The following UQCRB variants were observed in gnomAD, a reference collection of about 807,000 sequenced individuals.
UQCRB encodes the protein ubiquinol-cytochrome c reductase binding protein, also known as cytochrome b-c1 complex subunit 7.
UQCRB carries 12 observed loss-of-function variants against 19.8 expected under a neutral mutation model. The observed-to-expected ratio is 0.61, with a 90% CI of 0.39 to 0.98. The LOEUF is 0.98. Among genes scored for constraint, UQCRB ranks in the 50% least tolerant of loss-of-function variants. The pLI is 0.00. For synonymous variants in UQCRB, 39 were observed against 42.9 expected (o/e 0.91, Z 0.35); for missense variants, 142 against 131.8 (o/e 1.08, Z -0.38).
In UQCRB at chr8:96,228,031, G is replaced by A. The variant is rs1349946008; in HGVS notation, c.*3024C>T. On this transcript the variant is annotated 3_prime_UTR_variant, in exon 4 of 4. Coordinates refer to ENST00000287022, the MANE Select transcript of UQCRB (RefSeq NM_006294.5). ...CTAGGACCACAGCTGGCAATTGGGGGTCTGAAGGCCCGACATCCCTTACGC... is the reference window on the plus strand; with the variant it reads ...CTAGGACCACAGCTGGCAATTGGGGATCTGAAGGCCCGACATCCCTTACGC... 1 of 454,082 alleles carries A rather than the reference G, an allele frequency of 2.2e-6. No individual in the cohort carries two copies. Among genetic ancestry groups the A allele is most frequent in the Admixed American group, 2.3e-5 (1 of 42,574 alleles). 28.1% of individuals were successfully genotyped at this position (454,082 alleles called of 1,614,324 possible).
rs1452858503 is a variant in UQCRB at position 96,227,038 on chromosome 8, G to A, written c.*4017C>T. 1 of 453,678 alleles carries A rather than the reference G, an allele frequency of 2.2e-6. No individual in the cohort carries two copies. Among genetic ancestry groups the A allele is most frequent in the African/African-American group, 2.0e-5 (1 of 49,974 alleles). The allele number at this position is 453,678 out of a possible 1,614,324, so 28.1% of individuals were successfully genotyped here. A position where few individuals can be genotyped will look rare whatever the true frequency, so the allele number is the denominator to read the frequency against. The stretch of plus-strand genomic sequence containing the variant: ...ATATGAACGCCAGTATAACCAGAAT[G>A]TAAACAAATTATGGCATATAAATTA... On this transcript the variant is annotated 3_prime_UTR_variant, in exon 4 of 4. Transcript: ENST00000287022.
At position 96,229,063 on chromosome 8, in the gene UQCRB, G is replaced by A. The variant is rs1402499591; in HGVS notation, c.*1992C>T. On this transcript the variant is annotated 3_prime_UTR_variant, in exon 4 of 4. Coordinates refer to ENST00000287022, the MANE Select transcript of UQCRB (RefSeq NM_006294.5). Reference sequence around the variant, plus strand: ...CTTTCTTAGTCTTCATAACAAGCAGGACGATAACCATAATTTATAATGAAC... The same window carrying A: ...CTTTCTTAGTCTTCATAACAAGCAGAACGATAACCATAATTTATAATGAAC... 1 of 453,896 alleles carries A rather than the reference G, an allele frequency of 2.2e-6. No individual in the cohort carries two copies. The highest frequency in any genetic ancestry group is 4.4e-6 in the Non-Finnish European group (1 of 226,782). 28.1% of individuals were successfully genotyped at this position (453,896 alleles called of 1,614,324 possible).
In UQCRB at chr8:96,233,404, GAA is replaced by G. The variant is rs767356091; in HGVS notation, c.20-179_20-178del. ...TTAATCAAAAGAATTAGATTTAAAA[GAA>G]AAAAGTTTATACTCTATAAAATGTT... is the stretch of plus-strand genomic sequence containing the variant. On this transcript the variant is annotated intron_variant, in intron 1 of 3. Coordinates refer to ENST00000287022, the MANE Select transcript of UQCRB (RefSeq NM_006294.5). 108 of 602,416 alleles carry G rather than the reference GAA, an allele frequency of 1.8e-4. 2 individuals carry two copies. The highest frequency in any genetic ancestry group is 9.6e-4 in the South Asian group (44 of 45,796). The allele number at this position is 602,416 out of a possible 1,614,324, so 37.3% of individuals were successfully genotyped here. A position where few individuals can be genotyped will look rare whatever the true frequency, so the allele number is the denominator to read the frequency against.
rs1368660169 is a variant in UQCRB, at chr8:96,224,965, A to G, written c.*6090T>C. Among the ~76,000 whole-genome samples the G allele has an allele frequency of 1.3e-5, 2 of 152,214 alleles. No individual in the cohort carries two copies. The highest frequency in any genetic ancestry group is 1.9e-4 in the East Asian group (1 of 5,194). ...TGAACAAAGTTGAAAAGGCATCCAA[A>G]AAACCTCAAATAAAATTCAAACGAT... is the stretch of plus-strand genomic sequence containing the variant. On this transcript the variant is annotated 3_prime_UTR_variant, in exon 4 of 4. Coordinates refer to ENST00000287022, the MANE Select transcript of UQCRB (RefSeq NM_006294.5).
rs1586148355 is a variant in UQCRB, at chr8:96,226,547, G to A, written c.*4508C>T. On this transcript the variant is annotated 3_prime_UTR_variant, in exon 4 of 4. Coordinates refer to ENST00000287022, the MANE Select transcript of UQCRB (RefSeq NM_006294.5). ...TAAATGCATGCATAAGAGAAAAATT[G>A]TAAGCTGACTCCTTTGTAAAACAAA... 3 of 225,684 alleles carry A rather than the reference G, an allele frequency of 1.3e-5. No homozygotes were observed. Among genetic ancestry groups the A allele is most frequent in the East Asian group, 1.3e-4 (1 of 7,424 alleles). 14.0% of individuals were successfully genotyped at this position (225,684 alleles called of 1,614,324 possible).
chr8:96,229,931 T>C lies in UQCRB; in HGVS notation c.*1124A>G, dbSNP rs1809621333. 2 of 454,020 alleles carry C rather than the reference T, an allele frequency of 4.4e-6. No individual in the cohort carries two copies. The highest frequency in any genetic ancestry group is 8.8e-6 in the Non-Finnish European group (2 of 226,804). 28.1% of individuals were successfully genotyped at this position (454,020 alleles called of 1,614,324 possible). A position where few individuals can be genotyped will look rare whatever the true frequency, so the allele number is the denominator to read the frequency against. The stretch of plus-strand genomic sequence containing the variant: ...CTGTTTTGTTATTTGAGGTAAGGCA[T>C]TCCTGCCACACACAGCAATGACTTG... On this transcript the variant is annotated 3_prime_UTR_variant, in exon 4 of 4. Transcript: ENST00000287022.
chr8:96,231,142 G>C lies in UQCRB; in HGVS notation c.259-10C>G, dbSNP rs758925196. 3 of 1,614,042 alleles carry C rather than the reference G, an allele frequency of 1.9e-6. No homozygotes were observed. The highest frequency in any genetic ancestry group is 1.1e-5 in the South Asian group (1 of 91,080). ...CAAGGTAGAAATTTTCCTAAAGAATGAATGAAATATTATATGTTACCATCA... is the reference window on the plus strand; with the variant it reads ...CAAGGTAGAAATTTTCCTAAAGAATCAATGAAATATTATATGTTACCATCA... On this transcript the variant is annotated splice_polypyrimidine_tract_variant and intron_variant, in intron 3 of 3. Coordinates refer to ENST00000287022, the MANE Select transcript of UQCRB (RefSeq NM_006294.5).
rs1809512382 is a variant in UQCRB, at chr8:96,225,574, G to C, written c.*5481C>G. On this transcript the variant is annotated 3_prime_UTR_variant, in exon 4 of 4. Coordinates refer to ENST00000287022, the MANE Select transcript of UQCRB (RefSeq NM_006294.5). ...CCAGCTGATATTTGCCACTCCATCA[G>C]TGCAAAACTGCCTGTCCTTCCCTAG... is the stretch of plus-strand genomic sequence containing the variant. 2.0e-5 allele frequency among the ~76,000 whole-genome samples: 3 copies of C among 151,900 alleles called. No homozygotes were observed. The highest frequency in any genetic ancestry group is 2.9e-5 in the Non-Finnish European group (2 of 68,008).
At position 96,230,236 on chromosome 8, in the gene UQCRB, T is replaced by G; in HGVS notation, c.*819A>C. 2 of 428,510 alleles carry G rather than the reference T, an allele frequency of 4.7e-6. No individual in the cohort carries two copies. The highest frequency in any genetic ancestry group is 9.3e-6 in the Non-Finnish European group (2 of 214,286). The allele number at this position is 428,510 out of a possible 1,614,324, so 26.5% of individuals were successfully genotyped here. The stretch of plus-strand genomic sequence containing the variant: ...GATTACAGGTGCCTACCATCACGCC[T>G]AGCTAATTTTTTGTATTTTTAGTAG... On this transcript the variant is annotated 3_prime_UTR_variant, in exon 4 of 4. Coordinates refer to ENST00000287022, the MANE Select transcript of UQCRB (RefSeq NM_006294.5).
Position 96,231,766 on chromosome 8 carries a change from T to G in UQCRB, c.258+8A>C. On this transcript the variant is annotated splice_region_variant and intron_variant, in intron 3 of 3. Coordinates refer to ENST00000287022, the MANE Select transcript of UQCRB (RefSeq NM_006294.5). Reference sequence around the variant, plus strand: ...AGCAACACTGTCAGGTAGATAAAGCTGTGCTACCTCTTCATATTTGGTCCA... The same window carrying G: ...AGCAACACTGTCAGGTAGATAAAGCGGTGCTACCTCTTCATATTTGGTCCA... 2 of 1,614,080 alleles carry G rather than the reference T, an allele frequency of 1.2e-6. No individual in the cohort carries two copies. Among genetic ancestry groups the G allele is most frequent in the African/African-American group, 1.3e-5 (1 of 75,060 alleles).
At chr8:96,233,119 AC>A in intron 2 of UQCRB, 36 bp downstream of exon 2, 7 of 1,595,308 alleles carry the variant, frequency 4.4e-6, no homozygotes, top group Non-Finnish European at 6.0e-6. Flanking sequence ...AGAAACAACA[AC>A]AACAACAAAA....
intron 1 of UQCRB, chr8:96,234,381 T>C (rs1346483972): frequency 1.7e-6 from 1 of 594,732 alleles, no homozygotes; most frequent in Non-Finnish European, 2.7e-6. Context: ...ATTAGCTGAT[T>C]TATTTACATG....
At position 96,227,305 on chromosome 8, in the gene UQCRB, T is replaced by C. The variant is rs1197810360; in HGVS notation, c.*3750A>G. On this transcript the variant is annotated 3_prime_UTR_variant, in exon 4 of 4. Transcript: ENST00000287022. ...ATGGCCATAAACCTCTAAGGTGTTG[T>C]CATCCTGAAAAATGAAGGAGGGGAG... 2.2e-6 allele frequency: 1 copy of C among 454,098 alleles called. No homozygotes were observed. Among genetic ancestry groups the C allele is most frequent in the Non-Finnish European group, 4.4e-6 (1 of 226,772 alleles). The allele number at this position is 454,098 out of a possible 1,614,324, so 28.1% of individuals were successfully genotyped here.
chr8:96,234,589 CTCAATGTCAAT>C lies in UQCRB; in HGVS notation c.19+912_19+922del. 5 of 1,057,976 alleles carry C rather than the reference CTCAATGTCAAT, an allele frequency of 4.7e-6. No homozygotes were observed. The South Asian group carries it at 6.6e-5, about 14-fold the overall frequency. 65.5% of individuals were successfully genotyped at this position (1,057,976 alleles called of 1,614,324 possible). A position where few individuals can be genotyped will look rare whatever the true frequency, so the allele number is the denominator to read the frequency against. On this transcript the variant is annotated intron_variant, in intron 1 of 3. Transcript: ENST00000287022. ...AAAAGTCTCCCCCACCCCCAAAAAG[CTCAATGTCAAT>C]TAGGTTAACGGATGTTTCTGGCAAC...
rs190920409 is a variant in UQCRB at position 96,226,590 on chromosome 8, T to C, written c.*4465A>G. On this transcript the variant is annotated 3_prime_UTR_variant, in exon 4 of 4. Transcript: ENST00000287022. ...AAAACAAATAATTATCTTTTTTTGG[T>C]TTGGCTTGTGAATACAATTGTCACA... 27 of 233,456 alleles carry C rather than the reference T, an allele frequency of 1.2e-4. No homozygotes were observed. In the East Asian group the frequency reaches 3.2e-3, roughly 28 times the overall value. 14.5% of individuals were successfully genotyped at this position (233,456 alleles called of 1,614,324 possible).
chr8:96,230,780 G>C lies in UQCRB; in HGVS notation c.*275C>G. On this transcript the variant is annotated 3_prime_UTR_variant, in exon 4 of 4. Coordinates refer to ENST00000287022, the MANE Select transcript of UQCRB (RefSeq NM_006294.5). ...AGTTATATCCTTCCATAAACTGATAGGCTATCCAACCAGTGAGGAAAACTG... is the reference window on the plus strand; with the variant it reads ...AGTTATATCCTTCCATAAACTGATACGCTATCCAACCAGTGAGGAAAACTG... The C allele has an allele frequency of 1.7e-6, 1 of 591,798 alleles. No homozygotes were observed. The highest frequency in any genetic ancestry group is 1.5e-5 in the South Asian group (1 of 65,662). 36.7% of individuals were successfully genotyped at this position (591,798 alleles called of 1,614,324 possible).
intron 1 of UQCRB, chr8:96,234,125 A>C (rs1809742702): frequency 1.3e-5 from 2 of 156,452 alleles, no homozygotes; most frequent in African/African-American, 4.8e-5. Context: ...GAAGGAAAGC[A>C]AACTCTCCTT....
chr8:96,223,237 T>G lies in UQCRB; in HGVS notation c.*7818A>C, dbSNP rs1809475406. On this transcript the variant is annotated 3_prime_UTR_variant, in exon 4 of 4. Transcript: ENST00000287022. ...TAATGGATATTTTAATTTGCTTGCC[T>G]GTAGTAATCATTTCACTATGTATAT... 6.6e-6 allele frequency among the ~76,000 whole-genome samples: 1 copy of G among 152,244 alleles called. No individual in the cohort carries two copies. Among genetic ancestry groups the G allele is most frequent in the African/African-American group, 2.4e-5 (1 of 41,462 alleles).
In UQCRB at chr8:96,234,699, C is replaced by T. The variant is rs930063228; in HGVS notation, c.19+813G>A. ...ATCAACATTTTTTAAGCTACTCCAA[C>T]TTGGTTGCATTGCAGTGAGACGAGA... On this transcript the variant is annotated intron_variant, in intron 1 of 3. Transcript: ENST00000287022. The T allele has an allele frequency of 1.3e-5, 5 of 387,192 alleles. No homozygotes were observed. In the Admixed American group the frequency reaches 1.6e-4, roughly 12 times the overall value. The allele number at this position is 387,192 out of a possible 1,614,324, so 24.0% of individuals were successfully genotyped here. A position where few individuals can be genotyped will look rare whatever the true frequency, so the allele number is the denominator to read the frequency against.
Sources: gnomAD v4.1 joint callset for allele counts (sites outside exome capture counted in the v4.1 genomes callset) on GRCh38, gnomAD v4.1.1 for gene constraint, MANE v1.5 for transcripts, NCBI Gene and HGNC (gene_info 2026-07-23, HGNC 2026-07-21) for gene names.